AGAP2: variants seen among roughly 807,000 people sequenced by gnomAD.
AGAP2 encodes arf-GAP with GTPase, ANK repeat and PH domain-containing protein 2.
Under a neutral mutation model 110.9 loss-of-function variants are expected in AGAP2, and 32 were observed. The ratio of observed to expected loss-of-function variants is 0.29; its 90% confidence interval spans 0.22 to 0.39. The LOEUF is 0.39. AGAP2 is among the 10% of genes least tolerant of loss of function. AGAP2 has a pLI of 1.00. For synonymous variants in AGAP2, 702 were observed against 713.0 expected (o/e 0.98, Z 0.25); for missense variants, 1,285 against 1,638.5 (o/e 0.78, Z 3.72).
upstream of AGAP2, chr12:57,741,862 C>T (rs769419316): frequency 6.3e-7 from 1 of 1,589,898 alleles, no homozygotes; most frequent in Non-Finnish European, 8.6e-7. Context: ...ACCTTCTATG[C>T]ACCTGCTAGT....
chr12:57,733,047 T>C (rs1243284148), intron 5 of AGAP2, 68 bp from the exon 6 acceptor site: 3 of 1,598,276 alleles, frequency 1.9e-6, no homozygotes, highest in Non-Finnish European at 2.6e-6. Context: ...CACAATTCCC[T>C]TATCCTTGCA....
In AGAP2 at chr12:57,737,636, T is replaced by C; in HGVS notation, c.611A>G (p.Lys204Arg). 1 of 1,547,194 alleles carries C rather than the reference T, an allele frequency of 6.5e-7. No homozygotes were observed. Among genetic ancestry groups the C allele is most frequent in the South Asian group, 1.2e-5 (1 of 84,064 alleles). ...TTSGAKAGGGKGAGSRLSWPE... is the reference protein window; with the variant it reads ...TTSGAKAGGGRGAGSRLSWPE... ...CCATGACAGGCGGCTACCCGCGCCCTTGCCCCCGCCGGCTTTGGCTCCACT... is the reference window on the plus strand; with the variant it reads ...CCATGACAGGCGGCTACCCGCGCCCCTGCCCCCGCCGGCTTTGGCTCCACT... The change falls in exon 1 of 19, where the codon AAG (lysine) becomes AGG (arginine). Residue 204 changes from lysine (K) to arginine (R), a missense_variant. By Grantham distance (26) the Lys-to-Arg change is conservative. This residue lies in a region of AGAP2 where 844 missense variants were observed against 941.2 expected (regional missense o/e 0.90). Transcript: ENST00000547588. This position sits in a 1 kb window ranked among gnomAD's most constrained non-coding sequence, Gnocchi z 5.9.
rs767668307 is a variant in AGAP2 at position 57,732,441 on chromosome 12, G to C, written c.1756C>G (p.Pro586Ala). The change falls in exon 7 of 19, where the codon CCA becomes GCA. Residue 586 changes from proline to alanine, a missense_variant. Transcript: ENST00000547588. ...GGAGTGGATGCAGCTGAGTGGCTTGGGGAGCTGGGCAGGGACTTGCAGGCA... is the reference window on the plus strand; with the variant it reads ...GGAGTGGATGCAGCTGAGTGGCTTGCGGAGCTGGGCAGGGACTTGCAGGCA... ...LAACKSLPSS[P>A]SHSAASTPVA... is the part of the protein sequence containing the mutation. The C allele has an allele frequency of 2.5e-6, 4 of 1,603,662 alleles. No homozygotes were observed. Among genetic ancestry groups the C allele is most frequent in the Non-Finnish European group, 3.4e-6 (4 of 1,175,030 alleles).
upstream of AGAP2, among the ~76,000 whole-genome samples, chr12:57,741,203 G>A (rs1214687821): frequency 6.6e-6 from 1 of 152,182 alleles, no homozygotes; most frequent in East Asian, 1.9e-4. Flanking sequence ...GTGGGCAGGA[G>A]GATGTGGCGG....
In AGAP2 at chr12:57,726,840, C is replaced by A; in HGVS notation, c.3337-46G>T. 1 of 1,434,504 alleles carries A rather than the reference C, an allele frequency of 7.0e-7. No individual in the cohort carries two copies. The highest frequency in any genetic ancestry group is 1.5e-5 in the South Asian group (1 of 68,066). 88.9% of individuals were successfully genotyped at this position (1,434,504 alleles called of 1,614,324 possible). A position where few individuals can be genotyped will look rare whatever the true frequency, so the allele number is the denominator to read the frequency against. On this transcript the variant is annotated intron_variant, in intron 18 of 18. Coordinates refer to ENST00000547588, the MANE Select transcript of AGAP2 (RefSeq NM_001122772.3). This position sits in a 1 kb window ranked among gnomAD's most constrained non-coding sequence, Gnocchi z 5.7. Reference sequence around the variant, plus strand: ...CGTGACCGCGCGTCCCCAGGGCGCCCACACCCGGCGCCGCCTCCCCCACAT... The same window carrying A: ...CGTGACCGCGCGTCCCCAGGGCGCCAACACCCGGCGCCGCCTCCCCCACAT...
chr12:57,732,156 C>T (rs931641937), intron 7 of AGAP2, among the ~76,000 whole-genome samples, 189 bp from the exon 8 acceptor site: 2 of 152,224 alleles, frequency 1.3e-5, no homozygotes, highest in Admixed American at 6.5e-5. Flanking sequence ...GGTTGATTCA[C>T]AAGTATTGTG....
At position 57,727,700 on chromosome 12, in the gene AGAP2, G is replaced by A; in HGVS notation, c.2838C>T (p.Cys946=). The A allele has an allele frequency of 1.2e-6, 2 of 1,608,226 alleles. No homozygotes were observed. Among genetic ancestry groups the A allele is most frequent in the Non-Finnish European group, 1.7e-6 (2 of 1,177,112 alleles). The change falls in exon 16 of 19, where the codon TGC becomes TGT. Residue 946 remains cysteine (C), a synonymous_variant. Transcript: ENST00000547588. ...AIRNAKGNSI[C]VDCGAPNPTW... ...ACTCACTGGGGGCCCCGCAGTCCAC[G>A]CAGATTGAATTCCCCTTGGCGTTCC...
chr12:57,738,081 G>A lies in AGAP2; in HGVS notation c.166C>T (p.Arg56Ter), dbSNP rs1214853629. The A allele has an allele frequency of 6.6e-7, 1 of 1,524,044 alleles. No individual in the cohort carries two copies. The allele number at this position is 1,524,044 out of a possible 1,614,324, so 94.4% of individuals were successfully genotyped here. A position where few individuals can be genotyped will look rare whatever the true frequency, so the allele number is the denominator to read the frequency against. Residue 56 changes from arginine to a stop codon, truncating the protein, a stop_gained, in exon 1 of 19, where the codon CGA (arginine) becomes TGA (stop). Coordinates refer to ENST00000547588, the MANE Select transcript of AGAP2 (RefSeq NM_001122772.3). LOFTEE classifies it high-confidence loss of function. This position sits in a 1 kb window ranked among gnomAD's most constrained non-coding sequence, Gnocchi z 6.7. ...TTCTTGCCCGGCTCCTCCGCGCCTC[G>A]GGGGCTGCCAGGATCCCCAGTCTCG... ...GSETGDPGSP[R>*]GAEEPGKKRH...
Position 57,726,594 on chromosome 12 carries a change from G to T in AGAP2, c.3537C>A (p.Ala1179=), listed in dbSNP as rs1477124938. 9 of 1,204,462 alleles carry T rather than the reference G, an allele frequency of 7.5e-6. No homozygotes were observed. The East Asian group carries it at 2.1e-4, about 28-fold the overall frequency. 74.6% of individuals were successfully genotyped at this position (1,204,462 alleles called of 1,614,324 possible). ...ATPSPRRRSS[A]ASVGRADAPV... ...GGGCGTCGGCGCGGCCCACGCTAGC[G>T]GCGCTGCTCCGGCGGCGGGGGCTGG... The change falls in exon 19 of 19, where the codon GCC becomes GCA. Residue 1179 remains alanine, a synonymous_variant. Transcript: ENST00000547588. This position sits in a 1 kb window ranked among gnomAD's most constrained non-coding sequence, Gnocchi z 5.7.
chr12:57,732,356 C>T (rs1250949310), intron 7 of AGAP2, 47 bp downstream of exon 7: 1 of 1,516,544 alleles, frequency 6.6e-7, no homozygotes, highest in East Asian at 2.4e-5. Flanking sequence ...TCCCCAGCCC[C>T]TCTGCATCTT....
downstream of AGAP2, chr12:57,724,551 CTG>C (rs1954731450): frequency 6.6e-6 from 1 of 152,276 alleles, no homozygotes; most frequent in Admixed American, 6.5e-5. Context: ...TCAGCTGACA[CTG>C]AGTTTGTGGA....
chr12:57,724,001 G>A (rs182298179), downstream of AGAP2: 372 of 152,406 alleles, frequency 2.4e-3, 4 homozygotes, highest in Admixed American at 0.022. Context: ...AAGGGGGAAC[G>A]GCCAGGTCCT....
Position 57,728,346 on chromosome 12 carries a change from A to G in AGAP2, c.2589T>C (p.Phe863=). The G allele has an allele frequency of 2.5e-6, 4 of 1,613,964 alleles. No individual in the cohort carries two copies. Among genetic ancestry groups the G allele is most frequent in the Non-Finnish European group, 3.4e-6 (4 of 1,179,884 alleles). ...CTTTATAAATATTTCTTAAACTACC[A>G]AAGGATTTTAGTTTCCACATTTTGC... The part of the protein sequence containing the change: ...AKRKMWKLKS[F]GSLRNIYKAE... The change falls in exon 14 of 19, where the codon TTT becomes TTC. Residue 863 remains phenylalanine (F), a synonymous_variant. Coordinates refer to ENST00000547588, the MANE Select transcript of AGAP2 (RefSeq NM_001122772.3).
chr12:57,732,369 C>T lies in AGAP2; in HGVS notation c.1794+34G>A, dbSNP rs73338222. 3,221 of 1,544,776 alleles carry T rather than the reference C, an allele frequency of 2.1e-3. 51 individuals are homozygous for T. In the African/African-American group the frequency reaches 0.039, roughly 19 times the overall value. On this transcript the variant is annotated intron_variant, in intron 7 of 18. Coordinates refer to ENST00000547588, the MANE Select transcript of AGAP2 (RefSeq NM_001122772.3). Reference sequence around the variant, plus strand: ...GATCCCCAGCCCCTCTGCATCTTACCGGCCCCTCTGCAGACTCTGAAACCC... The same window carrying T: ...GATCCCCAGCCCCTCTGCATCTTACTGGCCCCTCTGCAGACTCTGAAACCC...
chr12:57,728,144 C>T (rs1260837200), intron 14 of AGAP2, 59 bp from the exon 15 acceptor site: 2 of 1,552,456 alleles, frequency 1.3e-6, no homozygotes, highest in Non-Finnish European at 8.7e-7. Context: ...GGCTGCCTTT[C>T]CCAAGACCGT....
chr12:57,733,793 C>T (rs1474358215), intron 5 of AGAP2, among the ~76,000 whole-genome samples: 2 of 152,182 alleles, frequency 1.3e-5, no homozygotes, highest in African/African-American at 4.8e-5. Context: ...AAGGAGATGG[C>T]TACTATAGCT....
upstream of AGAP2, chr12:57,741,841 G>A: frequency 2.6e-6 from 4 of 1,538,728 alleles, no homozygotes; most frequent in Non-Finnish European, 3.5e-6. Flanking sequence ...ATTGATATAT[G>A]ATACAGCTAA....
At chr12:57,736,946 A>G in intron 1 of AGAP2, 133 bp downstream of exon 1, 1 of 1,427,766 alleles carries the variant, frequency 7.0e-7, no homozygotes, top group East Asian at 2.5e-5. Context: ...AATCCTTGAC[A>G]GAGGGGTGAG....
upstream of AGAP2, among the ~76,000 whole-genome samples, chr12:57,740,186 C>G (rs1046591043): frequency 6.6e-6 from 1 of 151,820 alleles, no homozygotes; most frequent in African/African-American, 2.4e-5. Flanking sequence ...GGCAGGAGCC[C>G]GCAGCGTGCT....
Sources: gnomAD v4.1 joint callset for allele counts (sites outside exome capture counted in the v4.1 genomes callset) on GRCh38, gnomAD v4.1.1 for gene constraint, gnomAD v4.1.1 regional missense constraint, Gnocchi (gnomAD v3.1) non-coding constraint, MANE v1.5 for transcripts, NCBI Gene and HGNC (gene_info 2026-07-23, HGNC 2026-07-21) for gene names.